RFC1: variants seen among roughly 807,000 people sequenced by gnomAD.
RFC1 encodes replication factor C subunit 1.
RFC1 carries 37 observed loss-of-function variants against 137.4 expected under a neutral mutation model. The observed-to-expected ratio is 0.27, with a 90% confidence interval of 0.21 to 0.35. The LOEUF (loss-of-function observed/expected upper bound fraction) is 0.35. Among genes scored for constraint, RFC1 ranks in the 10% least tolerant of loss-of-function variants. RFC1 has a pLI of 1.00. For synonymous variants in RFC1, 429 were observed against 455.7 expected, an observed-to-expected ratio of 0.94 and a Z score of 0.75; for missense variants, 1,205 against 1,358.5, an observed-to-expected ratio of 0.89 and a Z score of 1.78.
At chr4:39,342,493 A>G (rs1257581811) in intron 3 of RFC1, 26 bp from the exon 4 acceptor site, 1 of 1,604,600 alleles carries the variant, frequency 6.2e-7, no homozygotes, top group Non-Finnish European at 8.5e-7. Flanking sequence ...AAATAAAACA[A>G]AACTTTGAAA....
intron 1 of RFC1, among the ~76,000 whole-genome samples, chr4:39,361,426 T>C (rs1463358682): frequency 1.3e-5 from 2 of 152,148 alleles, no homozygotes; most frequent in Non-Finnish European, 2.9e-5. Context: ...TTTAAAATTA[T>C]ACTAAGGCCT....
chr4:39,299,610 C>CAAAAAAAAAAAAAAA (rs970461214), intron 21 of RFC1, among the ~76,000 whole-genome samples: 18 of 40,100 alleles, frequency 4.5e-4, no homozygotes, highest in East Asian at 1.4e-3. Flanking sequence ...AACACTGTCT[C>CAAAAAAAAAAAAAAA]AAAAAAAAAA....
At chr4:39,298,372 A>G (rs1305227110) in intron 21 of RFC1, among the ~76,000 whole-genome samples, 3 of 150,926 alleles carry the variant, frequency 2.0e-5, no homozygotes, top group Non-Finnish European at 4.4e-5. Flanking sequence ...TCTTGTTTTC[A>G]AGCAATGTGT....
At chr4:39,298,816 T>C (rs1033354706) in intron 21 of RFC1, among the ~76,000 whole-genome samples, 1 of 152,176 alleles carries the variant, frequency 6.6e-6, no homozygotes, top group African/African-American at 2.4e-5. Flanking sequence ...TTTTGAAATA[T>C]AGAAAAATAA....
At chr4:39,354,466 T>C (rs1344881444) in intron 1 of RFC1, among the ~76,000 whole-genome samples, 3 of 152,182 alleles carry the variant, frequency 2.0e-5, no homozygotes, top group Non-Finnish European at 2.9e-5. Flanking sequence ...ACAGAATAAT[T>C]CTTGTTGAGC....
intron 6 of RFC1, among the ~76,000 whole-genome samples, chr4:39,324,721 T>C (rs1739676865): frequency 6.6e-6 from 1 of 152,110 alleles, no homozygotes; most frequent in South Asian, 2.1e-4. Flanking sequence ...AGACAAATGG[T>C]TGAGTGAGAG....
chr4:39,320,246 G>C, intron 9 of RFC1, 137 bp downstream of exon 9: 1 of 673,238 alleles, frequency 1.5e-6, no homozygotes, highest in East Asian at 3.4e-5. Context: ...CTACTTGGGA[G>C]GCTGAGGCAG....
intron 6 of RFC1, 43 bp downstream of exon 6, chr4:39,326,520 C>A: frequency 1.3e-6 from 2 of 1,518,542 alleles, no homozygotes; most frequent in South Asian, 2.3e-5. Context: ...AATAGCTAGT[C>A]AGAATATCAA....
At chr4:39,319,794 C>T (rs994465756) in intron 9 of RFC1, among the ~76,000 whole-genome samples, 2 of 151,944 alleles carry the variant, frequency 1.3e-5, no homozygotes, top group African/African-American at 2.4e-5. Flanking sequence ...ATAACCAAGC[C>T]GGCTACCAAG....
chr4:39,312,493 C>G (rs1177776400), intron 11 of RFC1, among the ~76,000 whole-genome samples: 1 of 152,046 alleles, frequency 6.6e-6, no homozygotes, highest in African/African-American at 2.4e-5. Flanking sequence ...GCATTTGTTT[C>G]TATCTTCAAA....
chr4:39,309,145 C>T, intron 12 of RFC1, 113 bp from the exon 13 acceptor site: 1 of 1,104,750 alleles, frequency 9.1e-7, no homozygotes, highest in African/African-American at 1.6e-5. Context: ...GCTACTCAAC[C>T]TGGGCTGGTC....
At chr4:39,360,702 T>A (rs541887962) in intron 1 of RFC1, among the ~76,000 whole-genome samples, 48 of 151,944 alleles carry the variant, frequency 3.2e-4, no homozygotes, top group African/African-American at 1.2e-3. Flanking sequence ...ACCACTGCAC[T>A]CCAGCCTGAG....
intron 23 of RFC1, 52 bp from the exon 24 acceptor site, chr4:39,290,091 C>A (rs572469311): frequency 2.7e-5 from 37 of 1,354,106 alleles, no homozygotes; most frequent in East Asian, 1.6e-4. Context: ...CCAAACAATT[C>A]TTTTAAACTC....
intron 4 of RFC1, among the ~76,000 whole-genome samples, chr4:39,338,194 GGGAAA>G (rs1341790633): frequency 1.3e-5 from 2 of 152,086 alleles, no homozygotes; most frequent in Non-Finnish European, 2.9e-5. Context: ...CCTGTAACTT[GGGAAA>G]TTAATGTGGT....
chr4:39,288,800 C>G lies in RFC1; in HGVS notation c.3405G>C (p.Lys1135Asn). The G allele has an allele frequency of 1.2e-6, 2 of 1,612,222 alleles. No homozygotes were observed. The highest frequency in any genetic ancestry group is 1.7e-6 in the Non-Finnish European group (2 of 1,179,388). The change falls in exon 25 of 25, where the codon AAG becomes AAC. Residue 1135 changes from lysine (K) to asparagine (N), a missense_variant. Lys to Asn is a moderately conservative substitution (Grantham distance 94). Coordinates refer to ENST00000349703, the MANE Select transcript of RFC1 (RefSeq NM_002913.5). ...TTTTTCCTTTTCCTTTTCTGGGCTCCTTATCTTTTTCTGGTTTTGAAGGCT... is the reference window on the plus strand; with the variant it reads ...TTTTTCCTTTTCCTTTTCTGGGCTCGTTATCTTTTTCTGGTTTTGAAGGCT... ...SSKPSKPEKD[K>N]EPRKGKGKSS...
intron 12 of RFC1, 119 bp from the exon 13 acceptor site, chr4:39,309,151 T>G: frequency 9.5e-7 from 1 of 1,053,868 alleles, no homozygotes; most frequent in East Asian, 2.5e-5. Context: ...CAACCTGGGC[T>G]GGTCTTTTCA....
chr4:39,348,424 AAAAAGAAAAG>A (rs201554512), intron 2 of RFC1, among the ~76,000 whole-genome samples: 8,351 of 71,810 alleles, frequency 0.12, 1,043 homozygotes, highest in Admixed American at 0.2. Context: ...CTCTGTTTCA[AAAAAGAAAAG>A]AAAAGAAAAG....
intron 21 of RFC1, among the ~76,000 whole-genome samples, chr4:39,299,674 G>A (rs1738241378): frequency 1.3e-5 from 2 of 149,388 alleles, no homozygotes; most frequent in African/African-American, 2.5e-5. Flanking sequence ...GGAAACAGAC[G>A]ATAGTTACCA....
chr4:39,345,387 G>T lies in RFC1; in HGVS notation c.208+14C>A. 6.2e-7 allele frequency: 1 copy of T among 1,609,076 alleles called. No homozygotes were observed. ...AACTTTAAAATTTTAAAGCTCCTCAGAAGAAATTATTACCTGAATCATAGA... is the reference window on the plus strand; with the variant it reads ...AACTTTAAAATTTTAAAGCTCCTCATAAGAAATTATTACCTGAATCATAGA... On this transcript the variant is annotated intron_variant, in intron 3 of 24. Coordinates refer to ENST00000349703, the MANE Select transcript of RFC1 (RefSeq NM_002913.5).
Sources: allele counts gnomAD v4.1 joint callset (sites outside exome capture counted in the v4.1 genomes callset), GRCh38; gene constraint gnomAD v4.1.1; transcripts MANE v1.5; gene names NCBI Gene and HGNC (gene_info 2026-07-23, HGNC 2026-07-21).